The following RARB variants were observed in gnomAD, a reference collection of about 807,000 sequenced individuals.
RARB encodes the protein HBV-activated protein.
RARB carries 17 observed loss-of-function variants against 51.9 expected under a neutral mutation model. The ratio of observed to expected loss-of-function variants is 0.33; its 90% CI spans 0.22 to 0.49. The LOEUF is 0.49. Ranked by LOEUF, RARB falls within the 20% of genes least tolerant of loss-of-function variation. RARB has a pLI of 0.99. For missense variants in RARB, 369 were observed against 550.8 expected (o/e 0.67, Z 3.30); for synonymous variants, 215 against 195.4 (o/e 1.10, Z -0.84).
chr3:25,241,477 C>G (rs951983359), intron 5 of RARB, among the ~76,000 whole-genome samples: 1 of 152,146 alleles, frequency 6.6e-6, no homozygotes. Flanking sequence ...CTGCCACAAC[C>G]CCCGGACAGG....
chr3:25,073,068 G>C (rs1003143905), intron 3 of RARB, among the ~76,000 whole-genome samples: 4 of 152,072 alleles, frequency 2.6e-5, no homozygotes, highest in Non-Finnish European at 5.9e-5. Context: ...TCCTAAATGA[G>C]TATTAGGGAA....
At chr3:25,235,374 TTG>T (rs1033726178) in intron 5 of RARB, among the ~76,000 whole-genome samples, 1 of 152,044 alleles carries the variant, frequency 6.6e-6, no homozygotes, top group African/African-American at 2.4e-5. Context: ...CTTCTGGAAG[TTG>T]GGATTAGAAT....
rs1200607631 is a variant in RARB at position 24,990,565 on chromosome 3, ATT to A, written c.-379-69558_-379-69557del. Among the ~76,000 whole-genome samples the A allele has an allele frequency of 3.7e-5, 4 of 106,840 alleles. 1 individual carries two copies. The highest frequency in any genetic ancestry group is 7.5e-5 in the Non-Finnish European group (4 of 53,012). 70.1% of individuals were successfully genotyped at this position (106,840 alleles called of 152,430 possible). A position where few individuals can be genotyped will look rare whatever the true frequency, so the allele number is the denominator to read the frequency against. ...AGATATCTGATTTGTTCTTTTTTGC[ATT>A]TCTCTCATAAGCCAAGCTTAAATGA... is the stretch of plus-strand genomic sequence containing the variant. On this transcript the variant is annotated intron_variant, in intron 2 of 11. Transcript: ENST00000383772.
intron 5 of RARB, among the ~76,000 whole-genome samples, chr3:25,237,266 A>G (rs1436256420): frequency 6.6e-6 from 1 of 152,132 alleles, no homozygotes; most frequent in Non-Finnish European, 1.5e-5. Flanking sequence ...AGTTGGTGGC[A>G]TTTATTAGAC....
chr3:25,054,387 A>G (rs1698396780), intron 2 of RARB, among the ~76,000 whole-genome samples: 1 of 152,122 alleles, frequency 6.6e-6, no homozygotes, highest in South Asian at 2.1e-4. Context: ...GAGATGAAGA[A>G]GCATAGGAGA....
At chr3:25,412,865 C>T (rs1019501551) in intron 5 of RARB, among the ~76,000 whole-genome samples, 7 of 151,892 alleles carry the variant, frequency 4.6e-5, no homozygotes, top group African/African-American at 7.3e-5. Flanking sequence ...ACTAAAAATA[C>T]AAAATTATCC....
At chr3:25,124,269 G>T (rs1478569709) in intron 3 of RARB, among the ~76,000 whole-genome samples, 1 of 152,274 alleles carries the variant, frequency 6.6e-6, no homozygotes, top group East Asian at 1.9e-4. Context: ...AGCTACTTGG[G>T]AGGCTGAGAC....
At chr3:25,521,360 C>G (rs1296937017) in intron 3 of RARB, among the ~76,000 whole-genome samples, 1 of 152,258 alleles carries the variant, frequency 6.6e-6, no homozygotes, top group South Asian at 2.1e-4. Flanking sequence ...GCAAGCATCA[C>G]CTCCCATCCA....
intron 5 of RARB, among the ~76,000 whole-genome samples, chr3:25,389,932 A>T (rs1176234656): frequency 1.3e-5 from 2 of 152,178 alleles, no homozygotes; most frequent in Non-Finnish European, 2.9e-5. Context: ...TGATGTAGAT[A>T]GCAAAAGGTT....
At chr3:25,389,220 G>C (rs915456469) in intron 5 of RARB, among the ~76,000 whole-genome samples, 10 of 152,124 alleles carry the variant, frequency 6.6e-5, no homozygotes, top group Non-Finnish European at 1.5e-4. Flanking sequence ...TGACACATCA[G>C]GTCACCCACA....
At chr3:25,020,072 G>T (rs1697595692) in intron 2 of RARB, 1 of 151,182 alleles carries the variant, frequency 6.6e-6, no homozygotes. Flanking sequence ...CAAGCCCTCA[G>T]AATAAAAGGT....
Position 25,276,193 on chromosome 3 carries a change from A to G in RARB, c.178+101618A>G, listed in dbSNP as rs185465134. Among the ~76,000 whole-genome samples the G allele has an allele frequency of 3.0e-4, 45 of 152,234 alleles. 1 individual carries two copies. In the East Asian group the frequency reaches 7.9e-3, roughly 27 times the overall value. ...CTTTTTTGTCTTTTTGATAATAGCT[A>G]TTCTAACTGGGGTAGTGTGTTATCT... On this transcript the variant is annotated intron_variant, in intron 5 of 11. Coordinates refer to the RARB transcript ENST00000383772.
chr3:25,019,199 C>T (rs1333578878), intron 2 of RARB, among the ~76,000 whole-genome samples: 1 of 152,066 alleles, frequency 6.6e-6, no homozygotes, highest in Admixed American at 6.6e-5. Context: ...AATTTTATAT[C>T]TAGGATTGTG....
chr3:25,053,186 C>T (rs927472141), intron 2 of RARB, among the ~76,000 whole-genome samples: 2 of 152,142 alleles, frequency 1.3e-5, no homozygotes, highest in Non-Finnish European at 2.9e-5. Flanking sequence ...CACCCCTGGA[C>T]TACAAGGGAG....
At chr3:24,915,885 CAA>C (rs1469427047) in intron 2 of RARB, among the ~76,000 whole-genome samples, 2 of 151,998 alleles carry the variant, frequency 1.3e-5, no homozygotes, top group African/African-American at 4.8e-5. Flanking sequence ...AGCCAAGAAA[CAA>C]AGCTGGAAGG....
At chr3:25,061,400 T>C (rs943245192) in intron 3 of RARB, among the ~76,000 whole-genome samples, 3 of 151,910 alleles carry the variant, frequency 2.0e-5, no homozygotes, top group Admixed American at 6.6e-5. Context: ...CCAGTGTATC[T>C]ATTGGGTAAG....
At position 25,203,128 on chromosome 3, in the gene RARB, C is replaced by T. The variant is rs549672756; in HGVS notation, c.178+28553C>T. 8.5e-5 allele frequency among the ~76,000 whole-genome samples: 13 copies of T among 152,252 alleles called. No individual in the cohort carries two copies. The East Asian group carries it at 2.3e-3, about 27-fold the overall frequency. The stretch of plus-strand genomic sequence containing the variant: ...AATCTAGGTGCTCCTGTATTGGGTG[C>T]ATATATATTTAGGATAGTTAGCTCT... On this transcript the variant is annotated intron_variant, in intron 5 of 11. Transcript: ENST00000383772.
At chr3:25,331,694 T>G (rs184933961) in intron 5 of RARB, among the ~76,000 whole-genome samples, 360 of 151,934 alleles carry the variant, frequency 2.4e-3, no homozygotes, top group Admixed American at 5.4e-3. Context: ...CTGAAGGAGA[T>G]AGAGACACAA....
At chr3:25,354,453 A>T (rs1705669835) in intron 5 of RARB, among the ~76,000 whole-genome samples, 1 of 151,992 alleles carries the variant, frequency 6.6e-6, no homozygotes, top group Admixed American at 6.6e-5. Flanking sequence ...ATCCTCTTGG[A>T]CCCAGAAGTG....
Sources: allele counts gnomAD v4.1 joint callset (sites outside exome capture counted in the v4.1 genomes callset), GRCh38; gene constraint gnomAD v4.1.1; transcripts MANE v1.5; gene names NCBI Gene and HGNC (gene_info 2026-07-23, HGNC 2026-07-21).